ATP7B: variants seen among roughly 807,000 people sequenced by gnomAD.
The protein encoded by ATP7B is copper-transporting ATPase 2.
Under a neutral mutation model 118.9 loss-of-function variants are expected in ATP7B, and 113 were observed. The observed-to-expected ratio is 0.95, with a 90% CI of 0.82 to 1.11. ATP7B has a LOEUF of 1.11. Ranked by LOEUF, ATP7B falls within the 50% of genes most tolerant of loss-of-function variation. The pLI is 0.00. For missense variants in ATP7B, 1,867 were observed against 1,871.4 expected (o/e 1.00, Z 0.04); for synonymous variants, 777 against 727.4 (o/e 1.07, Z -1.10).
chr13:52,000,547 G>A (rs1428487838), intron 1 of ATP7B, among the ~76,000 whole-genome samples: 1 of 152,146 alleles, frequency 6.6e-6, no homozygotes, highest in Non-Finnish European at 1.5e-5. Context: ...TATACTTACA[G>A]ACCCAAATGC....
intron 4 of ATP7B, chr13:51,966,820 G>T (rs1478982743): frequency 1.2e-5 from 20 of 1,613,090 alleles, no homozygotes; most frequent in Non-Finnish European, 1.6e-5. Flanking sequence ...GAAGGAGCTA[G>T]GAGTGGGAAT....
At chr13:51,975,792 A>C (rs536644712) in intron 1 of ATP7B, among the ~76,000 whole-genome samples, 4 of 152,350 alleles carry the variant, frequency 2.6e-5, no homozygotes, top group African/African-American at 9.6e-5. Flanking sequence ...ATGCCTGTGA[A>C]AAAGCTTTGG....
At chr13:51,972,310 G>A (rs1951880270) in intron 2 of ATP7B, among the ~76,000 whole-genome samples, 2 of 152,082 alleles carry the variant, frequency 1.3e-5, no homozygotes, top group Non-Finnish European at 2.9e-5. Context: ...TGGCCTCTGC[G>A]GCTCGCATTA....
At chr13:51,973,445 G>A (rs1479526975) in intron 2 of ATP7B, among the ~76,000 whole-genome samples, 2 of 152,188 alleles carry the variant, frequency 1.3e-5, no homozygotes, top group African/African-American at 4.8e-5. Flanking sequence ...CTACCCTCAT[G>A]AATGGAATCC....
chr13:51,939,099 A>T lies in ATP7B; in HGVS notation c.3651T>A (p.Val1217=). The T allele has an allele frequency of 1.2e-6, 2 of 1,614,188 alleles. No individual in the cohort carries two copies. Among genetic ancestry groups the T allele is most frequent in the East Asian group, 2.2e-5 (1 of 44,886 alleles). ...TCTTCCGGTTGTCCCCCGTGATCAGAACCACGTCCACACCCATGCTCTGCA... is the reference window on the plus strand; with the variant it reads ...TCTTCCGGTTGTCCCCCGTGATCAGTACCACGTCCACACCCATGCTCTGCA... ...HTLQSMGVDV[V]LITGDNRKTA... The change falls in exon 17 of 21, where the codon GTT becomes GTA. Residue 1217 remains valine, a synonymous_variant. Coordinates refer to ENST00000242839, the MANE Select transcript of ATP7B (RefSeq NM_000053.4).
chr13:51,977,144 C>T (rs1397825444), intron 1 of ATP7B, among the ~76,000 whole-genome samples: 2 of 151,734 alleles, frequency 1.3e-5, no homozygotes, highest in Non-Finnish European at 2.9e-5. Flanking sequence ...GCCTGGGAGA[C>T]AAAACAAGAC....
chr13:51,961,130 C>A (rs1312210674), intron 6 of ATP7B, among the ~76,000 whole-genome samples: 1 of 151,946 alleles, frequency 6.6e-6, no homozygotes. Context: ...AACTTCCACT[C>A]ATTCTTTGAG....
Position 51,937,463 on chromosome 13 carries a change from C to T in ATP7B, c.3903+13G>A. ...CCTCCCAGCACCCACAGCCTGGCTG[C>T]AGCCACGCTCACTCTGATAAGGACG... On this transcript the variant is annotated intron_variant, in intron 18 of 20. Coordinates refer to ENST00000242839, the MANE Select transcript of ATP7B (RefSeq NM_000053.4). 6.2e-7 allele frequency: 1 copy of T among 1,614,154 alleles called. No homozygotes were observed. The highest frequency in any genetic ancestry group is 8.5e-7 in the Non-Finnish European group (1 of 1,180,012).
chr13:51,951,877 T>A (rs1226535590), intron 9 of ATP7B, among the ~76,000 whole-genome samples: 2 of 152,164 alleles, frequency 1.3e-5, no homozygotes, highest in Admixed American at 1.3e-4. Context: ...GGGGAAATAC[T>A]GGTGAGAGAC....
chr13:51,937,139 G>GAAAA, intron 19 of ATP7B, 137 bp downstream of exon 19: 4 of 670,764 alleles, frequency 6.0e-6, no homozygotes, highest in South Asian at 1.7e-5. Flanking sequence ...CAGGGGACAT[G>GAAAA]AAAAAAAAAA....
At chr13:51,984,538 A>G (rs1327947829) in intron 1 of ATP7B, among the ~76,000 whole-genome samples, 1 of 152,194 alleles carries the variant, frequency 6.6e-6, no homozygotes, top group Non-Finnish European at 1.5e-5. Context: ...AGACAGGCCA[A>G]CATTCAAATT....
rs2138556041 is a variant in ATP7B, at chr13:51,937,268, CT to C, written c.4021+7del. On this transcript the variant is annotated splice_region_variant and intron_variant, in intron 19 of 20. Transcript: ENST00000242839. ...GCAGCTGGAGCACAGTGGGTAAGAGCTGCCTACCTGCTGCAATGGGTATCCC... is the reference window on the plus strand; with the variant it reads ...GCAGCTGGAGCACAGTGGGTAAGAGCGCCTACCTGCTGCAATGGGTATCCC... 1 of 1,612,440 alleles carries C rather than the reference CT, an allele frequency of 6.2e-7. No individual in the cohort carries two copies. The highest frequency in any genetic ancestry group is 8.5e-7 in the Non-Finnish European group (1 of 1,178,434).
intron 7 of ATP7B, 48 bp downstream of exon 7, chr13:51,960,100 C>G (rs561223471): frequency 6.3e-7 from 1 of 1,587,078 alleles, no homozygotes; most frequent in South Asian, 1.1e-5. Context: ...TATCTGAGGG[C>G]CACACACAGC....
intron 1 of ATP7B, chr13:51,995,266 G>A: frequency 1.0e-6 from 1 of 980,584 alleles, no homozygotes; most frequent in Non-Finnish European, 1.2e-6. Context: ...TCTTTAAAAT[G>A]GGTCCAGGCC....
At chr13:51,986,142 G>A (rs1223979044) in intron 1 of ATP7B, among the ~76,000 whole-genome samples, 1 of 152,096 alleles carries the variant, frequency 6.6e-6, no homozygotes, top group East Asian at 1.9e-4. Context: ...TTTTTGAAAA[G>A]ATCAACAAAA....
intron 16 of ATP7B, among the ~76,000 whole-genome samples, chr13:51,940,495 T>C (rs1957268213): frequency 5.3e-5 from 8 of 151,168 alleles, no homozygotes; most frequent in Admixed American, 3.3e-4. Flanking sequence ...AAATACAAAA[T>C]GTAGCTGGGC....
chr13:52,010,617 C>T (rs1373369120), intron 1 of ATP7B, among the ~76,000 whole-genome samples: 1 of 152,106 alleles, frequency 6.6e-6, no homozygotes, highest in Non-Finnish European at 1.5e-5. Flanking sequence ...TTAGGTAAAA[C>T]AAAAATTTTA....
At chr13:51,935,173 A>C in intron 20 of ATP7B, 144 bp from the exon 21 acceptor site, 1 of 1,224,754 alleles carries the variant, frequency 8.2e-7, no homozygotes, top group Non-Finnish European at 1.1e-6. Context: ...AGGACATTAA[A>C]CTCCCTATGG....
At chr13:51,966,954 T>C (rs4941716) in intron 4 of ATP7B, 1,439,243 of 1,613,268 alleles carry the variant, frequency 0.89, 643,258 homozygotes, top group East Asian at 0.97. Flanking sequence ...CCCTGGGAGA[T>C]GAGTTTGAAG....
Sources: allele counts gnomAD v4.1 joint callset (sites outside exome capture counted in the v4.1 genomes callset), GRCh38; gene constraint gnomAD v4.1.1; transcripts MANE v1.5; gene names NCBI Gene and HGNC (gene_info 2026-07-23, HGNC 2026-07-21).